Variants in SMC1B observed in about 807,000 individuals in gnomAD.
The protein encoded by SMC1B is structural maintenance of chromosomes protein 1B.
Under a neutral mutation model 157.9 loss-of-function variants are expected in SMC1B, and 60 were observed. The observed-to-expected ratio is 0.38, with a 90% CI of 0.31 to 0.47. SMC1B has a LOEUF of 0.47. Among genes scored for constraint, SMC1B ranks in the 20% least tolerant of loss-of-function variants. The pLI, the probability that SMC1B is intolerant of heterozygous loss-of-function variation, is 0.99. For synonymous variants in SMC1B, 445 were observed against 483.0 expected, an observed-to-expected ratio of 0.92 and a Z score of 1.03; for missense variants, 1,165 against 1,426.2, an observed-to-expected ratio of 0.82 and a Z score of 2.95.
chr22:45,369,535 G>A (rs1445897852), intron 15 of SMC1B, among the ~76,000 whole-genome samples: 1 of 143,666 alleles, frequency 7.0e-6, no homozygotes, highest in Non-Finnish European at 1.5e-5. Flanking sequence ...ATTTTTACTA[G>A]CTGTTTCTTT....
At chr22:45,347,756 G>C (rs1325931604) in intron 23 of SMC1B, among the ~76,000 whole-genome samples, 1 of 152,142 alleles carries the variant, frequency 6.6e-6, no homozygotes, top group African/African-American at 2.4e-5. Context: ...GCCTGGCCCA[G>C]AATGCCAATT....
At chr22:45,350,214 C>T in intron 22 of SMC1B, among the ~76,000 whole-genome samples, 1 of 151,710 alleles carries the variant, frequency 6.6e-6, no homozygotes, top group East Asian at 1.9e-4. Flanking sequence ...ACTGATGGCT[C>T]CCGCCCTCTT....
intron 1 of SMC1B, 67 bp downstream of exon 1, chr22:45,413,392 G>A: frequency 7.7e-7 from 1 of 1,300,054 alleles, no homozygotes; most frequent in Non-Finnish European, 1.1e-6. Context: ...CACCCCACAG[G>A]CCACGTGTGG....
chr22:45,359,427 C>T (rs563930285), intron 18 of SMC1B, among the ~76,000 whole-genome samples: 3 of 152,308 alleles, frequency 2.0e-5, no homozygotes, highest in Admixed American at 2.0e-4. Context: ...CTCAGTAGGG[C>T]ACGTTTCTTC....
chr22:45,373,946 AAC>A (rs2086858755), intron 12 of SMC1B, among the ~76,000 whole-genome samples: 2 of 152,194 alleles, frequency 1.3e-5, no homozygotes, highest in Non-Finnish European at 2.9e-5. Context: ...ATTGTAGGAA[AAC>A]ATTCTAAAAA....
Position 45,394,728 on chromosome 22 carries a change from T to C in SMC1B, c.1294A>G (p.Lys432Glu). 1 of 1,560,674 alleles carries C rather than the reference T, an allele frequency of 6.4e-7. No individual in the cohort carries two copies. Among genetic ancestry groups the C allele is most frequent in the Non-Finnish European group, 8.7e-7 (1 of 1,146,858 alleles). The change falls in exon 8 of 25, where the codon AAA (lysine) becomes GAA (glutamate). Residue 432 changes from lysine to glutamate, a missense_variant. Transcript: ENST00000357450. ...KQIKEQIEDH[K>E]KRIEKLEEYT... The stretch of plus-strand genomic sequence containing the variant: ...TCCTCTAACTTCTCTATTCGTTTTT[T>C]ATGATCTTCTATTTGTTCTTTTATT...
intron 12 of SMC1B, among the ~76,000 whole-genome samples, chr22:45,374,473 A>G (rs566536224): frequency 1.3e-5 from 2 of 152,308 alleles, no homozygotes; most frequent in South Asian, 2.1e-4. Context: ...AAAACTGGAG[A>G]GAGAAATATT....
intron 19 of SMC1B, 145 bp downstream of exon 19, chr22:45,358,552 G>T: frequency 1.9e-6 from 1 of 535,336 alleles, no homozygotes. Context: ...TGATTACAGT[G>T]TTTTTCCTTT....
chr22:45,350,271 A>ATT (rs35156883), intron 22 of SMC1B, among the ~76,000 whole-genome samples: 19 of 143,106 alleles, frequency 1.3e-4, no homozygotes, highest in African/African-American at 3.6e-4. Flanking sequence ...TTTTTTTTTA[A>ATT]TTTTTTTTAA....
At chr22:45,389,201 C>T (rs944694617) in intron 10 of SMC1B, among the ~76,000 whole-genome samples, 6 of 152,024 alleles carry the variant, frequency 3.9e-5, no homozygotes, top group African/African-American at 1.4e-4. Flanking sequence ...AATGAAAAAT[C>T]ACTGAAGGAT....
At chr22:45,356,986 A>G (rs111232465) in intron 19 of SMC1B, among the ~76,000 whole-genome samples, 2 of 151,670 alleles carry the variant, frequency 1.3e-5, no homozygotes, top group African/African-American at 4.8e-5. Flanking sequence ...GCCCATGTCA[A>G]CCTCCCAAAG....
chr22:45,390,703 TAAA>T (rs35064650), intron 9 of SMC1B, among the ~76,000 whole-genome samples: 16 of 136,746 alleles, frequency 1.2e-4, no homozygotes, highest in African/African-American at 1.6e-4. Flanking sequence ...GACTCCATCT[TAAA>T]AAAAAAAAAA....
At chr22:45,385,628 G>A (rs6007009) in intron 11 of SMC1B, among the ~76,000 whole-genome samples, 72,328 of 151,896 alleles carry the variant, frequency 0.48, 19,671 homozygotes, top group African/African-American at 0.75. Flanking sequence ...TTATATGAAG[G>A]AATAAGCAAT....
intron 21 of SMC1B, 150 bp from the exon 22 acceptor site, chr22:45,352,752 A>G (rs2086627407): frequency 1.3e-6 from 1 of 779,240 alleles, no homozygotes; most frequent in Non-Finnish European, 2.0e-6. Context: ...TTAGTTCTAC[A>G]TGTAATCACA....
intron 9 of SMC1B, among the ~76,000 whole-genome samples, chr22:45,391,177 C>T (rs1008066353): frequency 3.3e-5 from 5 of 152,058 alleles, no homozygotes; most frequent in Non-Finnish European, 5.9e-5. Flanking sequence ...CGCACACCAT[C>T]ACGCCTGGCA....
rs546069147 is a variant in SMC1B, at chr22:45,401,083, G to T, written c.854+1250C>A. ...AAAAAGGACATTAGGCAAAAGCTGAGAAAATATGTATAAAGTATGGACTTT... is the reference window on the plus strand; with the variant it reads ...AAAAAGGACATTAGGCAAAAGCTGATAAAATATGTATAAAGTATGGACTTT... On this transcript the variant is annotated intron_variant, in intron 5 of 24. Coordinates refer to ENST00000357450, the MANE Select transcript of SMC1B (RefSeq NM_148674.5). Among the ~76,000 whole-genome samples, 12 of 152,264 alleles carry T rather than the reference G, an allele frequency of 7.9e-5. 1 individual carries two copies. Among genetic ancestry groups the T allele is most frequent in the African/African-American group, 2.6e-4 (11 of 41,550 alleles).
chr22:45,345,702 A>G (rs552998946), intron 23 of SMC1B, 133 bp from the exon 24 acceptor site: 23 of 603,656 alleles, frequency 3.8e-5, no homozygotes, highest in African/African-American at 1.3e-4. Flanking sequence ...CAATAATTCA[A>G]TAAATCCTCA....
intron 9 of SMC1B, among the ~76,000 whole-genome samples, chr22:45,390,459 G>A (rs1315664067): frequency 6.6e-6 from 1 of 152,186 alleles, no homozygotes; most frequent in Non-Finnish European, 1.5e-5. Flanking sequence ...TGTAATCCCA[G>A]CATTTTGGGA....
At chr22:45,395,788 C>G (rs909466162) in intron 7 of SMC1B, among the ~76,000 whole-genome samples, 8 of 152,082 alleles carry the variant, frequency 5.3e-5, no homozygotes, top group Non-Finnish European at 8.8e-5. Flanking sequence ...ACCTGGGAGG[C>G]GGAGGTTGTA....
Sources: allele counts gnomAD v4.1 joint callset (sites outside exome capture counted in the v4.1 genomes callset), GRCh38; gene constraint gnomAD v4.1.1; transcripts MANE v1.5; gene names NCBI Gene and HGNC (gene_info 2026-07-23, HGNC 2026-07-21).